The following DAP3 variants were observed in gnomAD, a reference collection of about 807,000 sequenced individuals.
DAP3 encodes small ribosomal subunit protein mS29.
Under a neutral mutation model 51.9 loss-of-function variants are expected in DAP3, and 28 were observed. The ratio of observed to expected loss-of-function variants is 0.54; its 90% CI spans 0.40 to 0.74. DAP3 has a LOEUF of 0.74. DAP3 is among the 30% of genes least tolerant of loss of function. The probability of loss-of-function intolerance (pLI) is 0.00; values close to 1 mark genes in which losing one functional copy is unlikely to be tolerated. For synonymous variants in DAP3, 170 were observed against 170.3 expected, an observed-to-expected ratio of 1.00 and a Z score of 0.01; for missense variants, 458 against 483.5, an observed-to-expected ratio of 0.95 and a Z score of 0.49.
chr1:155,730,624 A>C (rs1218367535), intron 9 of DAP3, among the ~76,000 whole-genome samples: 1 of 151,722 alleles, frequency 6.6e-6, no homozygotes, highest in African/African-American at 2.4e-5. Flanking sequence ...TCAAAAAAAT[A>C]AAAAAAAAGA....
intron 3 of DAP3, among the ~76,000 whole-genome samples, chr1:155,717,941 T>C (rs1314869328): frequency 6.6e-6 from 1 of 152,066 alleles, no homozygotes; most frequent in Non-Finnish European, 1.5e-5. Context: ...TGAAATTAAT[T>C]TGTGGTGTGT....
At chr1:155,701,060 G>T (rs1655204635) in intron 1 of DAP3, among the ~76,000 whole-genome samples, 1 of 118,172 alleles carries the variant, frequency 8.5e-6, no homozygotes, top group Non-Finnish European at 1.7e-5. Context: ...GTGGGGGGGG[G>T]TCAGCCCCCC....
In DAP3 at chr1:155,725,562, T is replaced by G. The variant is rs1038477840; in HGVS notation, c.379+72T>G. 43 of 1,419,012 alleles carry G rather than the reference T, an allele frequency of 3.0e-5. 1 individual carries two copies. The South Asian group carries it at 4.8e-4, about 16-fold the overall frequency. The allele number at this position is 1,419,012 out of a possible 1,614,324, so 87.9% of individuals were successfully genotyped here. ...CCCTCAAATAAGGCAACAGAAGAAATGAAAAAAAGTACTGTTGAGGCCGGG... is the reference window on the plus strand; with the variant it reads ...CCCTCAAATAAGGCAACAGAAGAAAGGAAAAAAAGTACTGTTGAGGCCGGG... On this transcript the variant is annotated intron_variant, in intron 5 of 12. Coordinates refer to ENST00000368336, the MANE Select transcript of DAP3 (RefSeq NM_004632.4).
intron 11 of DAP3, among the ~76,000 whole-genome samples, chr1:155,734,365 G>T (rs935922215): frequency 5.3e-5 from 8 of 151,604 alleles, no homozygotes; most frequent in African/African-American, 1.9e-4. Context: ...TAGAGGCATG[G>T]TCTTAACTAT....
chr1:155,720,324 CAAAAAAA>C (rs61252469), intron 3 of DAP3, among the ~76,000 whole-genome samples: 1,082 of 32,780 alleles, frequency 0.033, 5 homozygotes, highest in Non-Finnish European at 0.046. Context: ...GATCTTGTCT[CAAAAAAA>C]AAAAAAAAAA....
At chr1:155,715,528 AAGAG>A (rs5777953) in intron 2 of DAP3, among the ~76,000 whole-genome samples, 70,143 of 150,224 alleles carry the variant, frequency 0.47, 18,357 homozygotes, top group African/African-American at 0.72. Context: ...TCTTAAAAAA[AAGAG>A]AGAGAGAGAG....
chr1:155,734,108 G>C (rs934571594), intron 11 of DAP3, among the ~76,000 whole-genome samples: 4 of 152,086 alleles, frequency 2.6e-5, no homozygotes, highest in African/African-American at 4.8e-5. Flanking sequence ...AGTGGGCCCT[G>C]ATTTTGCCAG....
intron 12 of DAP3, among the ~76,000 whole-genome samples, chr1:155,737,662 C>T (rs1659944674): frequency 6.8e-6 from 1 of 146,524 alleles, no homozygotes; most frequent in South Asian, 2.2e-4. Context: ...TGCAGTGGCT[C>T]ACACCTGTAA....
intron 4 of DAP3, among the ~76,000 whole-genome samples, chr1:155,722,807 A>G (rs1658156708): frequency 6.6e-6 from 1 of 152,186 alleles, no homozygotes; most frequent in South Asian, 2.1e-4. Flanking sequence ...CCAAAAAACA[A>G]TTTTAATTAA....
intron 6 of DAP3, 46 bp downstream of exon 6, chr1:155,726,065 C>A: frequency 1.3e-6 from 2 of 1,483,334 alleles, no homozygotes; most frequent in Admixed American, 1.8e-5. Context: ...TTTAGTTATC[C>A]TGTTACTGTG....
chr1:155,707,315 A>G (rs1656117403), intron 1 of DAP3, among the ~76,000 whole-genome samples: 1 of 149,466 alleles, frequency 6.7e-6, no homozygotes, highest in Non-Finnish European at 1.5e-5. Context: ...CGGGAGGCTG[A>G]GGCAGGAGAA....
At chr1:155,724,331 T>C (rs2149181136) in intron 4 of DAP3, among the ~76,000 whole-genome samples, 1 of 152,188 alleles carries the variant, frequency 6.6e-6, no homozygotes, top group East Asian at 1.9e-4. Context: ...TCTAAATGGT[T>C]AAAGTAATAA....
chr1:155,699,806 A>C (rs543645894), intron 1 of DAP3, among the ~76,000 whole-genome samples: 1 of 152,186 alleles, frequency 6.6e-6, no homozygotes, highest in South Asian at 2.1e-4. Flanking sequence ...GTAGAGGACA[A>C]GGTCTCATTA....
At chr1:155,700,693 TG>T (rs1242087390) in intron 1 of DAP3, among the ~76,000 whole-genome samples, 6 of 56,692 alleles carry the variant, frequency 1.1e-4, no homozygotes, top group South Asian at 5.9e-4. Context: ...GGGAGGGAGA[TG>T]GGGGGGTCAG....
chr1:155,731,827 G>C lies in DAP3; in HGVS notation c.904-117G>C, dbSNP rs372278023. On this transcript the variant is annotated intron_variant, in intron 10 of 12. Coordinates refer to ENST00000368336, the MANE Select transcript of DAP3 (RefSeq NM_004632.4). ...ATTTAGTTGCCATTTAACTGTGCTA[G>C]ACCACACTTTTGTAACACTGTATGC... The C allele has an allele frequency of 1.3e-4, 133 of 1,033,244 alleles. No homozygotes were observed. The African/African-American group carries it at 1.9e-3, about 15-fold the overall frequency. 64.0% of individuals were successfully genotyped at this position (1,033,244 alleles called of 1,614,324 possible).
rs763570884 is a variant in DAP3 at position 155,721,542 on chromosome 1, G to A, written c.194G>A (p.Gly65Asp). ...DPAKHGDQHEGQHYNISPQDL... is the reference protein window; with the variant it reads ...DPAKHGDQHEDQHYNISPQDL... The stretch of plus-strand genomic sequence containing the variant: ...GCCAAGCATGGGGATCAGCACGAGG[G>A]TCAGCACTACAACATCTCCCCCCAG... The change falls in exon 4 of 13, where the codon GGT becomes GAT. Residue 65 changes from glycine (G) to aspartate (D), a missense_variant. Gly to Asp is a moderately conservative substitution (Grantham distance 94). Coordinates refer to ENST00000368336, the MANE Select transcript of DAP3 (RefSeq NM_004632.4). 1 of 1,613,764 alleles carries A rather than the reference G, an allele frequency of 6.2e-7. No individual in the cohort carries two copies. The highest frequency in any genetic ancestry group is 8.5e-7 in the Non-Finnish European group (1 of 1,180,020).
rs754116737 is a variant in DAP3 at position 155,729,297 on chromosome 1, C to T, written c.774C>T (p.Leu258=). The change falls in exon 9 of 13, where the codon CTC becomes CTT. Residue 258 remains leucine (L), a synonymous_variant. Coordinates refer to ENST00000368336, the MANE Select transcript of DAP3 (RefSeq NM_004632.4). ...AAAGTTCTTTGGGTATGTTTCACCT[C>T]CTAGTGGCCGTGGATGGAATCAATG... ...KRQSSLGMFH[L]LVAVDGINAL... The T allele has an allele frequency of 6.2e-7, 1 of 1,614,134 alleles. No homozygotes were observed. Among genetic ancestry groups the T allele is most frequent in the Non-Finnish European group, 8.5e-7 (1 of 1,180,024 alleles).
At chr1:155,735,203 C>T (rs113095355) in intron 11 of DAP3, among the ~76,000 whole-genome samples, 10,208 of 152,016 alleles carry the variant, frequency 0.067, 440 homozygotes, top group African/African-American at 0.12. Context: ...ATCGCTTGAC[C>T]CTGGGAGGCA....
At chr1:155,688,910 C>A (rs376878473), upstream of DAP3, 111 of 1,613,000 alleles carry the variant, frequency 6.9e-5, no homozygotes, top group Non-Finnish European at 8.6e-5. Flanking sequence ...GGTGGCCGGC[C>A]GAGTCCCATG....
Sources: allele counts gnomAD v4.1 joint callset (sites outside exome capture counted in the v4.1 genomes callset), GRCh38; gene constraint gnomAD v4.1.1; transcripts MANE v1.5; gene names NCBI Gene and HGNC (gene_info 2026-07-23, HGNC 2026-07-21).